GOLGA1: variants seen among roughly 807,000 people sequenced by gnomAD.
The protein encoded by GOLGA1 is golgin A1.
Under a neutral mutation model 119.7 loss-of-function variants are expected in GOLGA1, and 63 were observed. The ratio of observed to expected loss-of-function variants is 0.53; its 90% CI spans 0.43 to 0.65. The LOEUF (loss-of-function observed/expected upper bound fraction) is 0.65. Ranked by LOEUF, GOLGA1 falls within the 30% of genes least tolerant of loss-of-function variation. The pLI is 0.00. For missense variants in GOLGA1, 798 were observed against 912.8 expected (o/e 0.87, Z 1.62); for synonymous variants, 318 against 333.4 (o/e 0.95, Z 0.50).
chr9:124,922,613 A>G (rs948748806), intron 8 of GOLGA1, among the ~76,000 whole-genome samples: 35 of 151,824 alleles, frequency 2.3e-4, no homozygotes, highest in Non-Finnish European at 4.1e-4. Context: ...CTTGTCAGGC[A>G]TGGTGGCACA....
intron 2 of GOLGA1, 92 bp from the exon 3 acceptor site, chr9:124,938,958 T>A: frequency 2.5e-6 from 1 of 402,090 alleles, no homozygotes; most frequent in Non-Finnish European, 4.4e-6. Flanking sequence ...AAACTAAGTT[T>A]CATAACTTAC....
At chr9:124,942,228 C>T (rs903225352), upstream of GOLGA1, among the ~76,000 whole-genome samples, 1 of 152,122 alleles carries the variant, frequency 6.6e-6, no homozygotes, top group African/African-American at 2.4e-5. Context: ...CAAGATCGCG[C>T]CATTGCACTC....
rs1588049917 is a variant in GOLGA1, at chr9:124,879,733, G to A, written c.*797C>T. On this transcript the variant is annotated 3_prime_UTR_variant, in exon 23 of 23. Transcript: ENST00000373555. ...CTGATTTTAAGAACACCAGTTAAAT[G>A]GATTTTATAGTACAGAAGACATGTT... 7.1e-6 allele frequency: 1 copy of A among 140,162 alleles called. No individual in the cohort carries two copies. Among genetic ancestry groups the A allele is most frequent in the Admixed American group, 7.4e-5 (1 of 13,442 alleles). The allele number at this position is 140,162 out of a possible 1,614,324, so 8.7% of individuals were successfully genotyped here.
chr9:124,885,183 T>TG (rs1288479450), intron 19 of GOLGA1, among the ~76,000 whole-genome samples: 1 of 152,042 alleles, frequency 6.6e-6, no homozygotes, highest in Admixed American at 6.6e-5. Flanking sequence ...AAAAATTAGC[T>TG]GGGCGTGGTA....
At chr9:124,941,451 G>C (rs987445181), upstream of GOLGA1, among the ~76,000 whole-genome samples, 2 of 152,214 alleles carry the variant, frequency 1.3e-5, no homozygotes, top group Non-Finnish European at 2.9e-5. Context: ...GGGCTGCACT[G>C]CTTGGCCAGG....
At position 124,908,482 on chromosome 9, in the gene GOLGA1, G is replaced by C; in HGVS notation, c.970-10C>G. ...GCTCAGCAAGTGTTTTCTGTAAGTT[G>C]AAAGAAGAGTAAAAGAAGACTATCA... On this transcript the variant is annotated splice_polypyrimidine_tract_variant and intron_variant, in intron 11 of 22. Coordinates refer to ENST00000373555, the MANE Select transcript of GOLGA1 (RefSeq NM_002077.4). 7.1e-7 allele frequency: 1 copy of C among 1,413,414 alleles called. No homozygotes were observed. The highest frequency in any genetic ancestry group is 1.1e-5 in the South Asian group (1 of 87,008). 87.6% of individuals were successfully genotyped at this position (1,413,414 alleles called of 1,614,324 possible).
In GOLGA1 at chr9:124,941,072, C is replaced by G. The variant is rs16927777; in HGVS notation, c.-307G>C. ...ACCGCCCAGCCGGCGAGCCGAGCAG[C>G]GACCCGGAACCGCACGTCTCCCAGC... On this transcript the variant is annotated 5_prime_UTR_variant, in exon 1 of 23. Transcript: ENST00000373555. The G allele has an allele frequency of 3.3e-5, 5 of 152,264 alleles. No homozygotes were observed. Among genetic ancestry groups the G allele is most frequent in the Admixed American group, 1.3e-4 (2 of 15,290 alleles). The allele number at this position is 152,264 out of a possible 1,614,324, so 9.4% of individuals were successfully genotyped here.
intron 15 of GOLGA1, among the ~76,000 whole-genome samples, chr9:124,894,525 C>G (rs568114192): frequency 1.3e-5 from 2 of 152,034 alleles, no homozygotes; most frequent in Non-Finnish European, 2.9e-5. Context: ...GGCACACAGG[C>G]TTCCTAATTT....
intron 3 of GOLGA1, among the ~76,000 whole-genome samples, chr9:124,938,082 CAAA>C (rs200357362): frequency 3.0e-5 from 2 of 66,102 alleles, no homozygotes; most frequent in Non-Finnish European, 3.3e-5. Flanking sequence ...GAATCCATCT[CAAA>C]AAAAAAAAAA....
intron 6 of GOLGA1, 56 bp downstream of exon 6, chr9:124,928,132 C>T: frequency 1.4e-6 from 1 of 724,208 alleles, no homozygotes; most frequent in Non-Finnish European, 2.4e-6. Context: ...TTTTTGAAAT[C>T]ACGTCACTAA....
chr9:124,920,358 C>G lies in GOLGA1; in HGVS notation c.843+771G>C, dbSNP rs1316419430. Among the ~76,000 whole-genome samples, 3 of 150,726 alleles carry G rather than the reference C, an allele frequency of 2.0e-5. No homozygotes were observed. The Admixed American group carries it at 2.0e-4, about 10-fold the overall frequency. On this transcript the variant is annotated intron_variant, in intron 10 of 22. Transcript: ENST00000373555. ...ATGTGATCCTCCTGCCTTGGCCTAC[C>G]AAAGTGCTAGGACTACAGGCTTGAG...
At chr9:124,935,288 G>A (rs80283254) in intron 3 of GOLGA1, among the ~76,000 whole-genome samples, 4,759 of 152,172 alleles carry the variant, frequency 0.031, 231 homozygotes, top group East Asian at 0.23. Context: ...TTCCATATAC[G>A]TTTTATACAC....
intron 15 of GOLGA1, among the ~76,000 whole-genome samples, chr9:124,898,310 C>T (rs967348050): frequency 6.6e-5 from 10 of 152,214 alleles, no homozygotes; most frequent in South Asian, 2.1e-4. Context: ...CTTGCACAAA[C>T]GGTTTACCCT....
At chr9:124,922,007 C>G in intron 8 of GOLGA1, 115 bp from the exon 9 acceptor site, 1 of 822,048 alleles carries the variant, frequency 1.2e-6, no homozygotes, top group South Asian at 1.5e-5. Context: ...GCAGGTGGAT[C>G]ACTTGAGGTC....
chr9:124,907,575 G>A (rs1289573170), intron 12 of GOLGA1, among the ~76,000 whole-genome samples: 2 of 152,066 alleles, frequency 1.3e-5, no homozygotes, highest in African/African-American at 4.8e-5. Context: ...TTAGGAACAA[G>A]AATATACAAT....
intron 14 of GOLGA1, 132 bp downstream of exon 14, chr9:124,899,197 A>T (rs1466975593): frequency 1.3e-6 from 1 of 770,012 alleles, no homozygotes; most frequent in Admixed American, 2.9e-5. Flanking sequence ...CCCTGTCTCA[A>T]ACAAAAAAAA....
At chr9:124,945,074 A>G (rs1451640602), upstream of GOLGA1, 2 of 152,196 alleles carry the variant, frequency 1.3e-5, no homozygotes, top group East Asian at 3.8e-4. Flanking sequence ...GTCGTAGTAG[A>G]CAGACTGGAA....
intron 7 of GOLGA1, among the ~76,000 whole-genome samples, chr9:124,923,854 G>A (rs891921148): frequency 1.3e-5 from 2 of 151,852 alleles, no homozygotes; most frequent in Admixed American, 6.6e-5. Context: ...CTACTCTTTC[G>A]TCGTTGTTGT....
At chr9:124,921,280 T>C (rs1425424995) in intron 9 of GOLGA1, 40 bp from the exon 10 acceptor site, 1 of 1,133,836 alleles carries the variant, frequency 8.8e-7, no homozygotes. Flanking sequence ...AATTTGGATA[T>C]CTCATCTAAT....
Sources: gnomAD v4.1 joint callset for allele counts (sites outside exome capture counted in the v4.1 genomes callset) on GRCh38, gnomAD v4.1.1 for gene constraint, MANE v1.5 for transcripts, NCBI Gene and HGNC (gene_info 2026-07-23, HGNC 2026-07-21) for gene names.